PDE3A: variants seen among roughly 807,000 people sequenced by gnomAD.
The protein encoded by PDE3A is phosphodiesterase 3A.
A neutral mutation model predicts 98.3 loss-of-function variants in PDE3A; 43 were observed. That is an observed-to-expected ratio of 0.44 (90% CI 0.34 to 0.56). The LOEUF is 0.56. Among genes scored for constraint, PDE3A ranks in the 20% least tolerant of loss-of-function variants. The pLI, the probability that PDE3A is intolerant of heterozygous loss-of-function variation, is 0.01. For missense variants in PDE3A, 1,427 were observed against 1,440.7 expected, an observed-to-expected ratio of 0.99 and a Z score of 0.15; for synonymous variants, 663 against 567.9, an observed-to-expected ratio of 1.17 and a Z score of -2.38.
At chr12:20,394,160 G>A (rs1368568950) in intron 1 of PDE3A, among the ~76,000 whole-genome samples, 1 of 152,030 alleles carries the variant, frequency 6.6e-6, no homozygotes, top group African/African-American at 2.4e-5. Flanking sequence ...AAATATTCTT[G>A]CAAGAGGCAA....
chr12:20,627,795 C>T (rs928185345), intron 5 of PDE3A, among the ~76,000 whole-genome samples: 1 of 152,168 alleles, frequency 6.6e-6, no homozygotes, highest in Non-Finnish European at 1.5e-5. Flanking sequence ...TGGAGCAAGA[C>T]TCACAATAAC....
chr12:20,667,505 C>T (rs185815543), intron 15 of PDE3A, among the ~76,000 whole-genome samples: 165 of 152,214 alleles, frequency 1.1e-3, no homozygotes, highest in Middle Eastern at 3.4e-3. Flanking sequence ...ATCCAATTTT[C>T]CCAGCACCAC....
At chr12:20,626,155 GT>G (rs1187692849) in intron 5 of PDE3A, among the ~76,000 whole-genome samples, 3 of 147,472 alleles carry the variant, frequency 2.0e-5, no homozygotes, top group Admixed American at 2.0e-4. Flanking sequence ...ACTTCCAAAG[GT>G]TATTCATCCC....
chr12:20,375,437 A>G (rs962943016), intron 1 of PDE3A, among the ~76,000 whole-genome samples: 2 of 151,976 alleles, frequency 1.3e-5, no homozygotes, highest in African/African-American at 4.8e-5. Flanking sequence ...TATAAAATAT[A>G]CAGATTTGAT....
intron 1 of PDE3A, among the ~76,000 whole-genome samples, chr12:20,411,307 C>T (rs1944328458): frequency 6.6e-6 from 1 of 152,118 alleles, no homozygotes; most frequent in African/African-American, 2.4e-5. Context: ...CCCATTTCTT[C>T]CTTTACCAAG....
At chr12:20,563,445 G>A (rs1056350465) in intron 2 of PDE3A, among the ~76,000 whole-genome samples, 43 of 830 alleles carry the variant, frequency 0.052, no homozygotes, top group East Asian at 0.5. Context: ...CTCATTATTA[G>A]TCTCTCAAAT....
At chr12:20,622,066 A>G (rs1213454491) in intron 5 of PDE3A, among the ~76,000 whole-genome samples, 8 of 152,106 alleles carry the variant, frequency 5.3e-5, no homozygotes, top group Admixed American at 5.2e-4. Flanking sequence ...GAAAATATCA[A>G]TGAGATTTTC....
intron 1 of PDE3A, among the ~76,000 whole-genome samples, chr12:20,548,965 A>G: frequency 6.6e-6 from 1 of 151,382 alleles, no homozygotes; most frequent in East Asian, 1.9e-4. Context: ...GTGAATAACC[A>G]TTTTTTTTTA....
chr12:20,638,018 T>C (rs1944558756), intron 9 of PDE3A, among the ~76,000 whole-genome samples: 1 of 152,146 alleles, frequency 6.6e-6, no homozygotes, highest in South Asian at 2.1e-4. Context: ...TTTGAATAAG[T>C]ATCACAGCAG....
intron 1 of PDE3A, among the ~76,000 whole-genome samples, chr12:20,407,831 G>T (rs1944260145): frequency 1.3e-5 from 2 of 151,636 alleles, no homozygotes; most frequent in Admixed American, 1.3e-4. Context: ...AGCAACTAGT[G>T]TGTAAAAATT....
chr12:20,526,980 G>A (rs1310796926), intron 1 of PDE3A, among the ~76,000 whole-genome samples: 7 of 150,860 alleles, frequency 4.6e-5, no homozygotes, highest in African/African-American at 1.2e-4. Context: ...GTGCAATGGC[G>A]CGATCTCGGC....
chr12:20,449,369 T>C (rs1198706419), intron 1 of PDE3A, among the ~76,000 whole-genome samples: 5 of 152,232 alleles, frequency 3.3e-5, no homozygotes, highest in African/African-American at 7.2e-5. Context: ...CACCACATTT[T>C]TGTTTTTCCA....
At chr12:20,391,607 T>C (rs1239107278) in intron 1 of PDE3A, among the ~76,000 whole-genome samples, 1 of 151,562 alleles carries the variant, frequency 6.6e-6, no homozygotes, top group African/African-American at 2.4e-5. Context: ...CGTTTATGTA[T>C]GTGTTACTTT....
chr12:20,558,253 A>G (rs1942421111), intron 2 of PDE3A, among the ~76,000 whole-genome samples: 1 of 151,892 alleles, frequency 6.6e-6, no homozygotes, highest in Admixed American at 6.6e-5. Context: ...GTTAACTTTC[A>G]GTATAAAAAG....
At chr12:20,671,394 A>C (rs936869226) in intron 15 of PDE3A, among the ~76,000 whole-genome samples, 8 of 152,270 alleles carry the variant, frequency 5.3e-5, no homozygotes, top group African/African-American at 9.6e-5. Flanking sequence ...GAGACACAAC[A>C]AAAAAAGATA....
chr12:20,393,777 T>G (rs1281830561), intron 1 of PDE3A, among the ~76,000 whole-genome samples: 2 of 152,106 alleles, frequency 1.3e-5, no homozygotes, highest in Non-Finnish European at 2.9e-5. Flanking sequence ...CTTTTCATCC[T>G]AGGTGCACCC....
Position 20,687,273 on chromosome 12 carries a change from CTCCA to C in PDE3A, c.*7005_*7008del, listed in dbSNP as rs1159450763. On this transcript the variant is annotated 3_prime_UTR_variant, in exon 16 of 16. Transcript: ENST00000359062. ...TTCCCAACTGATTATGGGTCAAAAA[CTCCA>C]TCTTATATCAGCGATGATTTCATTT... is the stretch of plus-strand genomic sequence containing the variant. 6.6e-6 allele frequency among the ~76,000 whole-genome samples: 1 copy of C among 152,008 alleles called. No homozygotes were observed.
At chr12:20,503,755 A>G (rs943275201) in intron 1 of PDE3A, among the ~76,000 whole-genome samples, 1 of 152,116 alleles carries the variant, frequency 6.6e-6, no homozygotes, top group African/African-American at 2.4e-5. Flanking sequence ...TAATTTTAAA[A>G]TATACATCAT....
At chr12:20,620,339 T>A (rs945265938) in intron 4 of PDE3A, among the ~76,000 whole-genome samples, 1 of 152,046 alleles carries the variant, frequency 6.6e-6, no homozygotes, top group Non-Finnish European at 1.5e-5. Context: ...TTGTACCCAG[T>A]ACCAAATTTA....
Sources: gnomAD v4.1 joint callset for allele counts (sites outside exome capture counted in the v4.1 genomes callset) on GRCh38, gnomAD v4.1.1 for gene constraint, MANE v1.5 for transcripts, NCBI Gene and HGNC (gene_info 2026-07-23, HGNC 2026-07-21) for gene names.